SYNE1: variants seen among roughly 807,000 people sequenced by gnomAD.
SYNE1 encodes spectrin repeat containing nuclear envelope protein 1.
A neutral mutation model predicts 1,111.0 loss-of-function variants in SYNE1; 616 were observed. That is an observed-to-expected ratio of 0.55 (90% CI 0.52 to 0.59). The LOEUF (loss-of-function observed/expected upper bound fraction) is 0.59. Ranked by LOEUF, SYNE1 falls within the 20% of genes least tolerant of loss-of-function variation. SYNE1 has a pLI of 0.00. For missense variants in SYNE1, 10,006 were observed against 10,417.0 expected, an observed-to-expected ratio of 0.96 and a Z score of 1.72; for synonymous variants, 3,855 against 3,825.8, an observed-to-expected ratio of 1.01 and a Z score of -0.28.
intron 139 of SYNE1, among the ~76,000 whole-genome samples, 154 bp downstream of exon 139, chr6:152,141,046 AAAC>A (rs1377787851): frequency 1.3e-5 from 2 of 151,562 alleles, no homozygotes. Context: ...AAAAACAAAC[AAAC>A]AACAAAAAAG....
In SYNE1 at chr6:152,300,801, C is replaced by T. The variant is rs1462523176; in HGVS notation, c.17542-20G>A. On this transcript the variant is annotated intron_variant, in intron 92 of 145. Coordinates refer to ENST00000367255, the MANE Select transcript of SYNE1 (RefSeq NM_182961.4). ...AGTCATCTGCCACGTAAAATGTAGC[C>T]CAAAGGACATGAAAATCAATTAGCT... 4 of 1,613,970 alleles carry T rather than the reference C, an allele frequency of 2.5e-6. No homozygotes were observed. The highest frequency in any genetic ancestry group is 3.4e-6 in the Non-Finnish European group (4 of 1,180,014).
chr6:152,505,219 T>C lies in SYNE1; in HGVS notation c.760A>G (p.Arg254Gly), dbSNP rs1340057316. The change falls in exon 9 of 146, where the codon AGA becomes GGA. Residue 254 changes from arginine to glycine, a missense_variant. This residue lies in a region of SYNE1 where 1,971 missense variants were observed against 2,084.1 expected (regional missense o/e 0.95). Coordinates refer to ENST00000367255, the MANE Select transcript of SYNE1 (RefSeq NM_182961.4). ...AGCCTACCTTCAGGATCTAGCAGTC[T>C]TGGGATCCCCAGTTCTGTTTCGGCG... ...TIAETELGIPRLLDPEDVDVD... is the reference protein window; with the variant it reads ...TIAETELGIPGLLDPEDVDVD... 6.2e-7 allele frequency: 1 copy of C among 1,613,990 alleles called. No homozygotes were observed. The highest frequency in any genetic ancestry group is 2.2e-5 in the East Asian group (1 of 44,890).
intron 104 of SYNE1, among the ~76,000 whole-genome samples, chr6:152,250,324 T>C (rs1476006315): frequency 2.5e-4 from 38 of 152,124 alleles, no homozygotes; most frequent in Non-Finnish European, 5.9e-5. Flanking sequence ...TATTTCATAA[T>C]AGTCAGCAAA....
rs752394397 is a variant in SYNE1 at position 152,133,395 on chromosome 6, A to G, written c.25882T>C (p.Cys8628Arg). The change falls in exon 143 of 146, where the codon TGT becomes CGT. Residue 8628 changes from cysteine to arginine, a missense_variant. By Grantham distance (180) the Cys-to-Arg change is radical. Around this residue, in one of 7 missense-constraint regions of SYNE1, gnomAD observed 761 missense variants for 795.5 expected, o/e 0.96. Coordinates refer to ENST00000367255, the MANE Select transcript of SYNE1 (RefSeq NM_182961.4). ...QLLVNAEGTD[C>R]LEAKEKVHVI... ...TGGACTTTTTCTTTGGCTTCTAAAC[A>G]GTCTGTTCCTTCAGCATTCACCAGT... 4 of 1,614,218 alleles carry G rather than the reference A, an allele frequency of 2.5e-6. No individual in the cohort carries two copies. Among genetic ancestry groups the G allele is most frequent in the Middle Eastern group, 3.3e-4 (2 of 6,062 alleles).
chr6:152,514,019 C>T (rs540520271), intron 6 of SYNE1, among the ~76,000 whole-genome samples: 14 of 152,286 alleles, frequency 9.2e-5, no homozygotes, highest in African/African-American at 3.4e-4. Flanking sequence ...AACGCATTTA[C>T]ACTGTTGGTG....
Position 152,352,997 on chromosome 6 carries a change from T to C in SYNE1, c.11253+266A>G, listed in dbSNP as rs2029412. On this transcript the variant is annotated intron_variant, in intron 69 of 145. Transcript: ENST00000367255. The stretch of plus-strand genomic sequence containing the variant: ...TAATTTGAGAGAGAAAGTTTTCTCT[T>C]AATATTGAAGTGTCACACTGGAATT... 0.58 allele frequency among the ~76,000 whole-genome samples: 87,574 copies of C among 152,102 alleles called. 25,373 individuals are homozygous for C. The highest frequency in any genetic ancestry group is 0.62 in the East Asian group (3,215 of 5,168).
chr6:152,330,262 G>C lies in SYNE1; in HGVS notation c.14423C>G (p.Thr4808Arg), dbSNP rs373040273. The change falls in exon 78 of 146, where the codon ACG becomes AGG. Residue 4808 changes from threonine (T) to arginine (R), a missense_variant. Physicochemically the swap from Thr to Arg is moderately conservative, Grantham distance 71. Coordinates refer to ENST00000367255, the MANE Select transcript of SYNE1 (RefSeq NM_182961.4). ...TTTGAGCTTCTCCTCTGCAGGCAGC[G>C]TTTCCTCATTCACTTTGGACTGCTC... is the stretch of plus-strand genomic sequence containing the variant. Reference protein sequence around the residue: ...KEEQSKVNEETLPAEEKLKMY... With the variant: ...KEEQSKVNEERLPAEEKLKMY... 73 of 1,614,014 alleles carry C rather than the reference G, an allele frequency of 4.5e-5. No individual in the cohort carries two copies. The highest frequency in any genetic ancestry group is 5.9e-5 in the Non-Finnish European group (70 of 1,180,034).
At chr6:152,302,187 G>T in intron 91 of SYNE1, 124 bp from the exon 92 acceptor site, 2 of 1,314,246 alleles carry the variant, frequency 1.5e-6, no homozygotes, top group Non-Finnish European at 2.2e-6. Flanking sequence ...CGGGAGGCAG[G>T]ATGTGTAGGC....
At chr6:152,627,868 T>G (rs2099689094) in intron 3 of SYNE1, among the ~76,000 whole-genome samples, 1 of 152,152 alleles carries the variant, frequency 6.6e-6, no homozygotes, top group Non-Finnish European at 1.5e-5. Flanking sequence ...GTTCACCTAT[T>G]TGACAATAGC....
chr6:152,444,548 A>G lies in SYNE1; in HGVS notation c.3700T>C (p.Cys1234Arg). Residue 1234 changes from cysteine to arginine, a missense_variant, in exon 30 of 146, where the codon TGT becomes CGT. Physicochemically the swap from Cys to Arg is radical, Grantham distance 180. This residue lies in a region of SYNE1 where 1,971 missense variants were observed against 2,084.1 expected (regional missense o/e 0.95). Coordinates refer to ENST00000367255, the MANE Select transcript of SYNE1 (RefSeq NM_182961.4). ...TTGACTATTTCTTTGTACTGGACAC[A>G]GTCCCCAAAATTGCTTAGCATCTTT... ...VEKMLSNFGD[C>R]VQYKEIVKNS... 1 of 1,613,150 alleles carries G rather than the reference A, an allele frequency of 6.2e-7. No homozygotes were observed.
intron 10 of SYNE1, among the ~76,000 whole-genome samples, chr6:152,500,623 T>A (rs2099024296): frequency 6.6e-6 from 1 of 152,168 alleles, no homozygotes; most frequent in Non-Finnish European, 1.5e-5. Flanking sequence ...TCCTTAGCCT[T>A]TTTCTTCTTT....
At position 152,236,163 on chromosome 6, in the gene SYNE1, G is replaced by C. The variant is rs1255678771; in HGVS notation, c.20340C>G (p.Thr6780=). 6.2e-7 allele frequency: 1 copy of C among 1,614,024 alleles called. No individual in the cohort carries two copies. Among genetic ancestry groups the C allele is most frequent in the East Asian group, 2.2e-5 (1 of 44,884 alleles). Residue 6780 remains threonine (T), a synonymous_variant, in exon 110 of 146, where the codon ACC becomes ACG. Transcript: ENST00000367255. ...NQLGECWLSN[T]NKMSKELHRL... ...TGTGAAGTTCCTTAGACATTTTATT[G>C]GTGTTACTTAGCCAGCACTCTCCAA...
intron 2 of SYNE1, among the ~76,000 whole-genome samples, chr6:152,632,953 G>C (rs1040727001): frequency 6.6e-6 from 1 of 152,084 alleles, no homozygotes; most frequent in South Asian, 2.1e-4. Context: ...GTGCTCTTCT[G>C]TTCCAAAACC....
At chr6:152,153,823 T>C (rs1015631869) in intron 133 of SYNE1, among the ~76,000 whole-genome samples, 4 of 152,240 alleles carry the variant, frequency 2.6e-5, no homozygotes, top group African/African-American at 9.6e-5. Flanking sequence ...AATTCATCCA[T>C]TTCAAAGTAT....
In SYNE1 at chr6:152,376,431, C is replaced by T. The variant is rs1563505143; in HGVS notation, c.9274G>A (p.Asp3092Asn). 1 of 1,614,194 alleles carries T rather than the reference C, an allele frequency of 6.2e-7. No individual in the cohort carries two copies. Among genetic ancestry groups the T allele is most frequent in the East Asian group, 2.2e-5 (1 of 44,882 alleles). The change falls in exon 58 of 146, where the codon GAT becomes AAT. Residue 3092 changes from aspartate to asparagine, a missense_variant. Coordinates refer to ENST00000367255, the MANE Select transcript of SYNE1 (RefSeq NM_182961.4). ...NAKITTAKCF[D>N]IPQNISEVST... ...ACTTCACTTATATTTTGAGGTATATCAAAACACTTGGCGGTAGTGATTTTT... is the reference window on the plus strand; with the variant it reads ...ACTTCACTTATATTTTGAGGTATATTAAAACACTTGGCGGTAGTGATTTTT...
chr6:152,619,206 C>T (rs901371091), intron 3 of SYNE1, among the ~76,000 whole-genome samples: 2 of 152,132 alleles, frequency 1.3e-5, no homozygotes, highest in Non-Finnish European at 2.9e-5. Flanking sequence ...AGTCTGGTTC[C>T]CCCCTTTATA....
At chr6:152,481,474 G>C (rs1215061031) in intron 14 of SYNE1, 1 of 366,318 alleles carries the variant, frequency 2.7e-6, no homozygotes, top group African/African-American at 2.1e-5. Flanking sequence ...TAGGTAACAG[G>C]TACACTAGAA....
chr6:152,246,031 T>C (rs1407806638), intron 105 of SYNE1, among the ~76,000 whole-genome samples: 5 of 152,178 alleles, frequency 3.3e-5, no homozygotes, highest in African/African-American at 1.2e-4. Flanking sequence ...GTCAGGGCTC[T>C]AGTCTCCAGA....
intron 4 of SYNE1, 136 bp from the exon 5 acceptor site, chr6:152,526,311 G>C: frequency 3.5e-6 from 3 of 861,858 alleles, no homozygotes; most frequent in Non-Finnish European, 5.6e-6. Flanking sequence ...CTTTATTTTG[G>C]ATTGAGTTGC....
Sources: allele counts gnomAD v4.1 joint callset (sites outside exome capture counted in the v4.1 genomes callset), GRCh38; gene constraint gnomAD v4.1.1; regional missense constraint gnomAD v4.1.1; transcripts MANE v1.5; gene names NCBI Gene and HGNC (gene_info 2026-07-23, HGNC 2026-07-21).